GRXCR2: variants seen among roughly 807,000 people sequenced by gnomAD.
GRXCR2 encodes glutaredoxin domain-containing cysteine-rich protein 2.
In GRXCR2, 23 loss-of-function variants were observed where a neutral mutation model predicts 24.8. The ratio of observed to expected loss-of-function variants is 0.93; its 90% CI spans 0.67 to 1.32. The LOEUF is 1.32. GRXCR2 is among the 40% of genes most tolerant of loss of function. The probability of loss-of-function intolerance (pLI) is 0.00; values close to 1 mark genes in which losing one functional copy is unlikely to be tolerated. For missense variants in GRXCR2, 315 were observed against 303.4 expected (o/e 1.04, Z -0.28); for synonymous variants, 130 against 116.1 (o/e 1.12, Z -0.77).
intron 2 of GRXCR2, among the ~76,000 whole-genome samples, chr5:145,887,724 A>G (rs1463966489): frequency 2.6e-5 from 4 of 152,322 alleles, no homozygotes; most frequent in African/African-American, 9.6e-5. Flanking sequence ...GGAACTGAAA[A>G]TGCACATAAA....
chr5:145,918,195 C>A (rs1757267154), intron 2 of GRXCR2, among the ~76,000 whole-genome samples: 1 of 152,198 alleles, frequency 6.6e-6, no homozygotes, highest in African/African-American at 2.4e-5. Context: ...ATGACAAACT[C>A]CCTTTCCCTA....
rs190422858 is a variant in GRXCR2 at position 145,892,696 on chromosome 5, G to A, written c.-69-25968C>T. ...GTGATGGGGAGAATGGAACCAAGTT[G>A]GAAAACACTCTGCAGGATATTATCC... On this transcript the variant is annotated intron_variant, in intron 2 of 3. Transcript: ENST00000639411. Among the ~76,000 whole-genome samples the A allele has an allele frequency of 6.9e-3, 1,053 of 152,288 alleles. 12 individuals carry two copies. Among genetic ancestry groups the A allele is most frequent in the African/African-American group, 0.024 (1,013 of 41,554 alleles).
Position 145,896,375 on chromosome 5 carries a change from T to C in GRXCR2, c.-69-29647A>G, listed in dbSNP as rs556895783. Among the ~76,000 whole-genome samples the C allele has an allele frequency of 3.5e-3, 530 of 152,132 alleles. 4 individuals are homozygous for C. The highest frequency in any genetic ancestry group is 0.012 in the African/African-American group (498 of 41,520). On this transcript the variant is annotated intron_variant, in intron 2 of 3. Transcript: ENST00000639411. ...ACAGAATGGGAGAAAATTTTTGCAATCTACTCATCTGACAAAGGGCTAATA... is the reference window on the plus strand; with the variant it reads ...ACAGAATGGGAGAAAATTTTTGCAACCTACTCATCTGACAAAGGGCTAATA...
intron 2 of GRXCR2, among the ~76,000 whole-genome samples, chr5:145,882,432 A>T (rs769133950): frequency 6.6e-6 from 1 of 152,250 alleles, no homozygotes; most frequent in Non-Finnish European, 1.5e-5. Flanking sequence ...GCTCATCATC[A>T]CTGGTCATCG....
At chr5:145,900,419 C>T (rs770414826) in intron 2 of GRXCR2, among the ~76,000 whole-genome samples, 33 of 152,224 alleles carry the variant, frequency 2.2e-4, no homozygotes, top group Middle Eastern at 6.8e-3. Flanking sequence ...AACCTCTTTT[C>T]TTTATAAATT....
chr5:145,861,130 C>G (rs2149907801), intron 2 of GRXCR2, among the ~76,000 whole-genome samples: 1 of 152,080 alleles, frequency 6.6e-6, no homozygotes, highest in African/African-American at 2.4e-5. Context: ...TTTCTTCATC[C>G]CACAACTACA....
chr5:145,873,048 T>C (rs1030270106), upstream of GRXCR2: 237 of 1,117,998 alleles, frequency 2.1e-4, no homozygotes, highest in Non-Finnish European at 3.0e-4. Context: ...GGCATTTTAT[T>C]TTCTCTCCTC....
intron 2 of GRXCR2, among the ~76,000 whole-genome samples, chr5:145,901,393 T>C (rs554493644): frequency 6.6e-6 from 1 of 152,314 alleles, no homozygotes; most frequent in African/African-American, 2.4e-5. Flanking sequence ...TAACCCATTA[T>C]AAAGAATTCA....
chr5:145,866,985 G>T (rs1756448298), intron 1 of GRXCR2, among the ~76,000 whole-genome samples: 1 of 152,176 alleles, frequency 6.6e-6, no homozygotes, highest in South Asian at 2.1e-4. Flanking sequence ...AGTCTGGAGG[G>T]CAGGGGCTAG....
Position 145,872,985 on chromosome 5 carries a change from C to T in GRXCR2, c.-17G>A, listed in dbSNP as rs771445446. 104 of 1,609,158 alleles carry T rather than the reference C, an allele frequency of 6.5e-5. No individual in the cohort carries two copies. Among genetic ancestry groups the T allele is most frequent in the Admixed American group, 3.5e-4 (21 of 59,886 alleles). ...GTCCTCCATCAGCAGAAAGTTGACC[C>T]TGTGGTCTCCAGCCTTCCGTGCAGC... is the stretch of plus-strand genomic sequence containing the variant. On this transcript the variant is annotated 5_prime_UTR_variant, in exon 1 of 3. Coordinates refer to ENST00000377976, the MANE Select transcript of GRXCR2 (RefSeq NM_001080516.2).
At position 145,873,009 on chromosome 5, in the gene GRXCR2, G is replaced by A; in HGVS notation, c.-41C>T. ...CCTGTGGTCTCCAGCCTTCCGTGCA[G>A]CCGGTGAAACTTGGGCCTCTGAGAA... is the stretch of plus-strand genomic sequence containing the variant. On this transcript the variant is annotated 5_prime_UTR_variant, in exon 1 of 3. Transcript: ENST00000377976. The A allele has an allele frequency of 6.4e-7, 1 of 1,560,686 alleles. No individual in the cohort carries two copies. Among genetic ancestry groups the A allele is most frequent in the Non-Finnish European group, 8.8e-7 (1 of 1,138,364 alleles).
chr5:145,907,121 T>C (rs1757103077), intron 2 of GRXCR2, among the ~76,000 whole-genome samples: 1 of 151,958 alleles, frequency 6.6e-6, no homozygotes, highest in Admixed American at 6.6e-5. Context: ...AGAGTGATAA[T>C]AGGGGAAGGT....
chr5:145,924,255 T>C (rs1236433581), intron 2 of GRXCR2, among the ~76,000 whole-genome samples: 1 of 152,198 alleles, frequency 6.6e-6, no homozygotes, highest in African/African-American at 2.4e-5. Flanking sequence ...AGTTGAACAG[T>C]TAATTAATCA....
At chr5:145,898,045 A>G (rs1756974295) in intron 2 of GRXCR2, among the ~76,000 whole-genome samples, 1 of 152,202 alleles carries the variant, frequency 6.6e-6, no homozygotes, top group Middle Eastern at 3.4e-3. Context: ...TGAAAGGATA[A>G]ACAAGACTGA....
intron 2 of GRXCR2, among the ~76,000 whole-genome samples, chr5:145,893,618 C>A (rs1248947103): frequency 6.6e-6 from 1 of 152,102 alleles, no homozygotes; most frequent in African/African-American, 2.4e-5. Flanking sequence ...TACAGGAGCA[C>A]CCAGATTCAT....
rs879795116 is a variant in GRXCR2, at chr5:145,865,412, G to A, written c.564+1089C>T. ...TGAGCTATGGTTTCCAAGGTGGTGC[G>A]TGCACACTTCTAAGGGGTATGAGAG... is the stretch of plus-strand genomic sequence containing the variant. On this transcript the variant is annotated intron_variant, in intron 2 of 2. Transcript: ENST00000377976. 1.1e-4 allele frequency among the ~76,000 whole-genome samples: 16 copies of A among 152,270 alleles called. No homozygotes were observed. In the East Asian group the frequency reaches 1.2e-3, roughly 11 times the overall value.
chr5:145,876,507 C>A (rs1354808529), upstream of GRXCR2, among the ~76,000 whole-genome samples: 2 of 151,776 alleles, frequency 1.3e-5, no homozygotes, highest in Non-Finnish European at 1.5e-5. Context: ...TCTATCTCTC[C>A]CAGGAAACAA....
At chr5:145,907,843 G>T (rs1757112808) in intron 2 of GRXCR2, among the ~76,000 whole-genome samples, 1 of 152,218 alleles carries the variant, frequency 6.6e-6, no homozygotes, top group South Asian at 2.1e-4. Flanking sequence ...GTTGTTATTA[G>T]CAGATGTGGG....
In GRXCR2 at chr5:145,897,359, C is replaced by A. The variant is rs142110159; in HGVS notation, c.-69-30631G>T. On this transcript the variant is annotated intron_variant, in intron 2 of 3. Transcript: ENST00000639411. ...AAACTAAAAGACTTAAACAGCCACACTTAATAGTGGAGAACTTTAACACAC... is the reference window on the plus strand; with the variant it reads ...AAACTAAAAGACTTAAACAGCCACAATTAATAGTGGAGAACTTTAACACAC... Among the ~76,000 whole-genome samples the A allele has an allele frequency of 6.7e-4, 101 of 151,816 alleles. 1 individual carries two copies. In the East Asian group the frequency reaches 0.018, roughly 27 times the overall value.
Sources: gnomAD v4.1 joint callset for allele counts (sites outside exome capture counted in the v4.1 genomes callset) on GRCh38, gnomAD v4.1.1 for gene constraint, MANE v1.5 for transcripts, NCBI Gene and HGNC (gene_info 2026-07-23, HGNC 2026-07-21) for gene names.